Variants in SPAG1 observed in about 807,000 individuals in gnomAD.
SPAG1 encodes sperm associated antigen 1.
In SPAG1, 69 loss-of-function variants were observed where a neutral mutation model predicts 100.5. That is an observed-to-expected ratio of 0.69 (90% CI 0.57 to 0.84). The LOEUF (loss-of-function observed/expected upper bound fraction) is 0.84. Ranked by LOEUF, SPAG1 falls within the 40% of genes least tolerant of loss-of-function variation. The pLI is 0.00. For synonymous variants in SPAG1, 336 were observed against 411.6 expected (o/e 0.82, Z 2.22); for missense variants, 955 against 1,133.1 (o/e 0.84, Z 2.26).
At chr8:100,232,814 C>A (rs1200039985) in intron 15 of SPAG1, among the ~76,000 whole-genome samples, 5 of 152,214 alleles carry the variant, frequency 3.3e-5, no homozygotes, top group Non-Finnish European at 7.3e-5. Flanking sequence ...CCTTCCATGA[C>A]TTACAGTGCC....
At chr8:100,235,945 C>T (rs1029980683) in intron 16 of SPAG1, among the ~76,000 whole-genome samples, 1 of 152,154 alleles carries the variant, frequency 6.6e-6, no homozygotes, top group Admixed American at 6.5e-5. Context: ...TTACTCACCT[C>T]TTTGAGCTTA....
At chr8:100,174,220 T>C (rs1042611677) in intron 3 of SPAG1, among the ~76,000 whole-genome samples, 1 of 152,224 alleles carries the variant, frequency 6.6e-6, no homozygotes, top group African/African-American at 2.4e-5. Context: ...GATTGACATA[T>C]ATTTTGTATG....
intron 10 of SPAG1, among the ~76,000 whole-genome samples, chr8:100,197,454 T>C (rs1426683842): frequency 2.6e-5 from 4 of 152,204 alleles, no homozygotes; most frequent in Non-Finnish European, 4.4e-5. Flanking sequence ...TCTAGTTACA[T>C]TGAACTAGTT....
chr8:100,240,519 G>T lies in SPAG1; in HGVS notation c.2397G>T (p.Pro799=). 3 of 1,614,122 alleles carry T rather than the reference G, an allele frequency of 1.9e-6. No homozygotes were observed. Among genetic ancestry groups the T allele is most frequent in the Non-Finnish European group, 2.5e-6 (3 of 1,180,010 alleles). The part of the protein sequence containing the change: ...SRSPEDPEKL[P]IAKPNNAYEF... ...CACCAGAAGACCCTGAGAAACTTCC[G>T]ATAGCCAAGCCTAATAATGCCTATG... Residue 799 remains proline, a synonymous_variant, in exon 18 of 19, where the codon CCG becomes CCT. Transcript: ENST00000388798.
chr8:100,230,676 T>G (rs1818726539), intron 14 of SPAG1, among the ~76,000 whole-genome samples: 1 of 152,178 alleles, frequency 6.6e-6, no homozygotes. Context: ...CAGGCTAGAG[T>G]GCAACGGCAT....
chr8:100,207,785 T>G (rs1373909275), intron 10 of SPAG1, among the ~76,000 whole-genome samples: 1 of 152,190 alleles, frequency 6.6e-6, no homozygotes, highest in East Asian at 1.9e-4. Flanking sequence ...TAAAGAAGTG[T>G]GGCAGTGGGC....
intron 10 of SPAG1, among the ~76,000 whole-genome samples, chr8:100,206,885 G>T (rs995333303): frequency 2.0e-5 from 3 of 152,240 alleles, no homozygotes; most frequent in Admixed American, 6.5e-5. Flanking sequence ...GGTCCAAGCT[G>T]CTGTGCAAGC....
At chr8:100,203,209 C>T (rs970295400) in intron 10 of SPAG1, among the ~76,000 whole-genome samples, 6 of 152,154 alleles carry the variant, frequency 3.9e-5, no homozygotes, top group Non-Finnish European at 7.3e-5. Context: ...TTCCTGCCCT[C>T]GAACATTAGA....
chr8:100,220,674 T>C (rs1318304245), intron 13 of SPAG1, among the ~76,000 whole-genome samples: 1 of 152,236 alleles, frequency 6.6e-6, no homozygotes, highest in Non-Finnish European at 1.5e-5. Flanking sequence ...CATTTATTAC[T>C]GTTCAATCAG....
intron 10 of SPAG1, among the ~76,000 whole-genome samples, chr8:100,209,373 T>G (rs1428071659): frequency 6.7e-6 from 1 of 148,420 alleles, no homozygotes; most frequent in Admixed American, 6.7e-5. Flanking sequence ...CTATTAATTC[T>G]GTCCCTCTAG....
At chr8:100,189,851 G>C (rs1278898621) in intron 8 of SPAG1, among the ~76,000 whole-genome samples, 3 of 152,062 alleles carry the variant, frequency 2.0e-5, no homozygotes, top group African/African-American at 7.2e-5. Context: ...TGTAGCAATA[G>C]CAATAGCTAA....
At chr8:100,231,036 C>A in intron 14 of SPAG1, 120 bp from the exon 15 acceptor site, 1 of 726,918 alleles carries the variant, frequency 1.4e-6, no homozygotes, top group East Asian at 2.9e-5. Context: ...GTTAGATTTT[C>A]ACCCTGCATG....
intron 10 of SPAG1, among the ~76,000 whole-genome samples, chr8:100,204,384 C>T (rs1327042642): frequency 1.3e-5 from 2 of 151,894 alleles, no homozygotes; most frequent in East Asian, 3.9e-4. Context: ...ATCTGGAGAA[C>T]AGGCATGGGA....
intron 12 of SPAG1, among the ~76,000 whole-genome samples, chr8:100,219,587 T>C (rs1051601540): frequency 6.6e-6 from 1 of 152,356 alleles, no homozygotes; most frequent in Admixed American, 6.5e-5. Context: ...TCGAGGATTA[T>C]ATGTACAGTT....
chr8:100,181,377 A>G (rs1317202652), intron 4 of SPAG1, among the ~76,000 whole-genome samples: 1 of 152,244 alleles, frequency 6.6e-6, no homozygotes, highest in Non-Finnish European at 1.5e-5. Flanking sequence ...TTTTTGTCAC[A>G]GGTAGGTATT....
intron 9 of SPAG1, 115 bp from the exon 10 acceptor site, chr8:100,193,997 A>G (rs1331862433): frequency 1.1e-6 from 1 of 923,452 alleles, no homozygotes; most frequent in Non-Finnish European, 1.5e-6. Flanking sequence ...CACCAAAAAA[A>G]AGCCTTGTCT....
intron 7 of SPAG1, chr8:100,185,225 C>G (rs1194358438): frequency 6.5e-6 from 1 of 152,688 alleles, no homozygotes; most frequent in African/African-American, 2.4e-5. Context: ...CACTGTTTCA[C>G]TTGACTAGCC....
At chr8:100,202,349 AAAAACAAAAAAC>A in intron 10 of SPAG1, among the ~76,000 whole-genome samples, 1 of 151,830 alleles carries the variant, frequency 6.6e-6, no homozygotes, top group East Asian at 1.9e-4. Flanking sequence ...GTTTAAAAAA[AAAAACAAAAAAC>A]AAAACAAAAA....
chr8:100,202,656 G>A (rs1817332359), intron 10 of SPAG1, among the ~76,000 whole-genome samples: 1 of 138,184 alleles, frequency 7.2e-6, no homozygotes, highest in African/African-American at 2.8e-5. Flanking sequence ...CTTGCAGTGA[G>A]CCGAGATCGC....
Sources: gnomAD v4.1 joint callset for allele counts (sites outside exome capture counted in the v4.1 genomes callset) on GRCh38, gnomAD v4.1.1 for gene constraint, MANE v1.5 for transcripts, NCBI Gene and HGNC (gene_info 2026-07-23, HGNC 2026-07-21) for gene names.